NCOA6: variants seen among roughly 807,000 people sequenced by gnomAD.
NCOA6 encodes the protein nuclear receptor coactivator 6, also known as NRC RAP250.
Under a neutral mutation model 171.4 loss-of-function variants are expected in NCOA6, and 49 were observed. The ratio of observed to expected loss-of-function variants is 0.29; its 90% confidence interval spans 0.23 to 0.36. The LOEUF is 0.36. NCOA6 is among the 10% of genes least tolerant of loss of function. The probability of loss-of-function intolerance (pLI) is 1.00; values close to 1 mark genes in which losing one functional copy is unlikely to be tolerated. For synonymous variants in NCOA6, 910 were observed against 927.5 expected, an observed-to-expected ratio of 0.98 and a Z score of 0.34; for missense variants, 2,248 against 2,554.5, an observed-to-expected ratio of 0.88 and a Z score of 2.59.
At chr20:34,747,310 G>A (rs929485156) in intron 9 of NCOA6, among the ~76,000 whole-genome samples, 1 of 152,126 alleles carries the variant, frequency 6.6e-6, no homozygotes, top group Non-Finnish European at 1.5e-5. Context: ...CAACTAGGGG[G>A]TCTGATTGTT....
chr20:34,758,072 T>A lies in NCOA6; in HGVS notation c.676A>T (p.Ile226Leu). 1 of 1,613,536 alleles carries A rather than the reference T, an allele frequency of 6.2e-7. No homozygotes were observed. The highest frequency in any genetic ancestry group is 1.1e-5 in the South Asian group (1 of 91,056). ...AMDPLLSGLH[I>L]QQQSHPSGSL... ...CCTGAGGGATGACTTTGCTGCTGTA[T>A]ATGGAGCCCAGAGAGGAGTGGATCC... is the stretch of plus-strand genomic sequence containing the variant. Residue 226 changes from isoleucine (I) to leucine (L), a missense_variant, in exon 7 of 15, where the codon ATA becomes TTA. Transcript: ENST00000359003.
In NCOA6 at chr20:34,749,593, A is replaced by C. The variant is rs61754976; in HGVS notation, c.2602T>G (p.Cys868Gly). 273 of 1,614,232 alleles carry C rather than the reference A, an allele frequency of 1.7e-4. No individual in the cohort carries two copies. Among genetic ancestry groups the C allele is most frequent in the Admixed American group, 2.7e-4 (16 of 60,030 alleles). The change falls in exon 9 of 15, where the codon TGT becomes GGT. Residue 868 changes from cysteine (C) to glycine (G), a missense_variant. Cys to Gly is a radical substitution (Grantham distance 159). Around this residue, in one of 7 missense-constraint regions of NCOA6, gnomAD observed 987 missense variants for 1,104.7 expected, o/e 0.89. Coordinates refer to ENST00000359003, the MANE Select transcript of NCOA6 (RefSeq NM_014071.5). ...ACTGGGAAGCCTGGATTTTGACCAC[A>C]GGACATCTGATTTCCATTGGGAGCT... ...SGAPNGNQMS[C>G]GQNPGFPVNK...
intron 13 of NCOA6, among the ~76,000 whole-genome samples, chr20:34,730,290 A>G (rs1423018667): frequency 6.6e-6 from 1 of 151,320 alleles, no homozygotes; most frequent in Non-Finnish European, 1.5e-5. Context: ...GGGTCTCCCT[A>G]TGTTGCCCAG....
chr20:34,762,162 A>T (rs2076838271), intron 5 of NCOA6, among the ~76,000 whole-genome samples: 1 of 152,080 alleles, frequency 6.6e-6, no homozygotes, highest in African/African-American at 2.4e-5. Flanking sequence ...CTTCCTGGTG[A>T]ATTTTTCCTT....
intron 1 of NCOA6, among the ~76,000 whole-genome samples, chr20:34,793,931 G>A (rs973469007): frequency 1.3e-5 from 2 of 152,002 alleles, no homozygotes; most frequent in Non-Finnish European, 2.9e-5. Flanking sequence ...AAATACAAAC[G>A]AACATTCAAC....
intron 14 of NCOA6, among the ~76,000 whole-genome samples, chr20:34,718,502 G>A (rs1988885293): frequency 6.7e-6 from 1 of 149,412 alleles, no homozygotes. Flanking sequence ...TTGAGATGGA[G>A]TCTTGCAAAT....
chr20:34,824,798 T>C (rs1017232003), intron 1 of NCOA6, among the ~76,000 whole-genome samples: 1 of 152,152 alleles, frequency 6.6e-6, no homozygotes, highest in Non-Finnish European at 1.5e-5. Flanking sequence ...TTGGGAGTTA[T>C]ACAGCTTTGC....
chr20:34,742,143 C>A lies in NCOA6; in HGVS notation c.4113G>T (p.Pro1371=). Reference sequence around the variant, plus strand: ...GAGTGGGACTGACCAATACATTTCTCGGCAACTCCACATTCTGCAATAGGG... The same window carrying A: ...GAGTGGGACTGACCAATACATTTCTAGGCAACTCCACATTCTGCAATAGGG... ...NAALLQNVEL[P]RNVLVSPTPL... Residue 1371 remains proline (P), a synonymous_variant, in exon 11 of 15, where the codon CCG becomes CCT. Transcript: ENST00000359003. The A allele has an allele frequency of 6.2e-7, 1 of 1,614,144 alleles. No individual in the cohort carries two copies. The highest frequency in any genetic ancestry group is 8.5e-7 in the Non-Finnish European group (1 of 1,180,026).
intron 1 of NCOA6, among the ~76,000 whole-genome samples, chr20:34,812,702 A>G (rs2078706519): frequency 6.6e-6 from 1 of 152,184 alleles, no homozygotes; most frequent in Non-Finnish European, 1.5e-5. Flanking sequence ...TTACAAATGA[A>G]TAATACAAAA....
chr20:34,812,825 G>A (rs563462870), intron 1 of NCOA6, among the ~76,000 whole-genome samples: 2 of 152,082 alleles, frequency 1.3e-5, no homozygotes, highest in South Asian at 4.2e-4. Context: ...AGACCACCCT[G>A]GGCAACATAG....
At chr20:34,801,248 A>G (rs146850199) in intron 1 of NCOA6, among the ~76,000 whole-genome samples, 2,093 of 152,276 alleles carry the variant, frequency 0.014, 20 homozygotes, top group South Asian at 0.037. Flanking sequence ...CATTTACATT[A>G]AAAAAGTAGA....
intron 1 of NCOA6, among the ~76,000 whole-genome samples, chr20:34,798,008 A>T (rs2078136497): frequency 6.6e-6 from 1 of 152,122 alleles, no homozygotes; most frequent in Non-Finnish European, 1.5e-5. Context: ...TGGCATTTTC[A>T]TTCTTTTTTC....
chr20:34,747,062 G>T, intron 9 of NCOA6, 134 bp from the exon 10 acceptor site: 1 of 890,630 alleles, frequency 1.1e-6, no homozygotes, highest in Non-Finnish European at 1.5e-6. Context: ...TCTCTCTCTA[G>T]TCTAGATAAA....
At chr20:34,821,507 G>C (rs1383928280) in intron 1 of NCOA6, 1 of 151,702 alleles carries the variant, frequency 6.6e-6, no homozygotes, top group Non-Finnish European at 1.5e-5. Context: ...GCTTTGCAAT[G>C]GTTTCCAAAA....
Position 34,727,339 on chromosome 20 carries a change from G to C in NCOA6, c.6068C>G (p.Pro2023Arg). The C allele has an allele frequency of 6.2e-7, 1 of 1,614,136 alleles. No homozygotes were observed. The highest frequency in any genetic ancestry group is 8.5e-7 in the Non-Finnish European group (1 of 1,180,026). Residue 2023 changes from proline to arginine, a missense_variant, in exon 14 of 15, where the codon CCA becomes CGA. Physicochemically the swap from Pro to Arg is moderately radical, Grantham distance 103. Around this residue, in one of 7 missense-constraint regions of NCOA6, gnomAD observed 884 missense variants for 941.9 expected, o/e 0.94. Coordinates refer to ENST00000359003, the MANE Select transcript of NCOA6 (RefSeq NM_014071.5). ...PGRRNSRTEE[P>R]TVASESVENG... The stretch of plus-strand genomic sequence containing the variant: ...TTCCACACTTTCAGAGGCCACAGTT[G>C]GCTCTTCAGTTCGGGAGTTTCTTCG...
In NCOA6 at chr20:34,741,957, C is replaced by T; in HGVS notation, c.4299G>A (p.Arg1433=). The T allele has an allele frequency of 6.2e-7, 1 of 1,614,206 alleles. No individual in the cohort carries two copies. The highest frequency in any genetic ancestry group is 8.5e-7 in the Non-Finnish European group (1 of 1,180,034). ...QDSDCQNSQS[R]KEQVNIELKA... is the part of the protein sequence containing the mutation. Reference sequence around the variant, plus strand: ...TTAGTTCAATGTTTACCTGTTCCTTCCTACTCTGGGAATTCTGGCAATCAC... The same window carrying T: ...TTAGTTCAATGTTTACCTGTTCCTTTCTACTCTGGGAATTCTGGCAATCAC... Residue 1433 remains arginine (R), a synonymous_variant, in exon 11 of 15, where the codon AGG becomes AGA. Coordinates refer to ENST00000359003, the MANE Select transcript of NCOA6 (RefSeq NM_014071.5).
At chr20:34,771,733 G>T (rs1015937204) in intron 4 of NCOA6, among the ~76,000 whole-genome samples, 2 of 152,112 alleles carry the variant, frequency 1.3e-5, no homozygotes, top group African/African-American at 4.8e-5. Flanking sequence ...TTGCTCATGC[G>T]GTTTCCTCTG....
At chr20:34,725,398 C>T (rs947823405) in intron 14 of NCOA6, among the ~76,000 whole-genome samples, 9 of 152,088 alleles carry the variant, frequency 5.9e-5, no homozygotes, top group Admixed American at 2.6e-4. Context: ...AAGGGTGGGA[C>T]GTTAAGGAGA....
intron 1 of NCOA6, among the ~76,000 whole-genome samples, chr20:34,819,070 T>C (rs1434302695): frequency 6.6e-6 from 1 of 152,210 alleles, no homozygotes; most frequent in Non-Finnish European, 1.5e-5. Flanking sequence ...TATGATCAAG[T>C]ATGGCTCATC....
Sources: gnomAD v4.1 joint callset for allele counts (sites outside exome capture counted in the v4.1 genomes callset) on GRCh38, gnomAD v4.1.1 for gene constraint, gnomAD v4.1.1 regional missense constraint, MANE v1.5 for transcripts, NCBI Gene and HGNC (gene_info 2026-07-23, HGNC 2026-07-21) for gene names.